Variants in BCAS3 observed in about 807,000 individuals in gnomAD.
BCAS3 encodes the protein BCAS3 microtubule associated cell migration factor.
In BCAS3, 53 loss-of-function variants were observed where a neutral mutation model predicts 116.1. The observed-to-expected ratio is 0.46, with a 90% CI of 0.37 to 0.57. The LOEUF is 0.57. BCAS3 is among the 20% of genes least tolerant of loss of function. BCAS3 has a pLI of 0.00. For synonymous variants in BCAS3, 391 were observed against 408.2 expected (o/e 0.96, Z 0.51); for missense variants, 917 against 1,165.4 (o/e 0.79, Z 3.10).
At chr17:61,329,142 C>G (rs1013886735) in intron 22 of BCAS3, among the ~76,000 whole-genome samples, 3 of 151,326 alleles carry the variant, frequency 2.0e-5, no homozygotes, top group African/African-American at 7.3e-5. Flanking sequence ...GTGATCAGCC[C>G]GCCTCGGCCT....
rs1216457957 is a variant in BCAS3 at position 61,392,107 on chromosome 17, C to T, written c.2724C>T (p.Phe908=). The change falls in exon 24 of 24, where the codon TTC becomes TTT. Residue 908 remains phenylalanine, a synonymous_variant. Transcript: ENST00000407086. This position sits in a 1 kb window ranked among gnomAD's most constrained non-coding sequence, Gnocchi z 6.4. ...PTNESQPLSL[F]PTGFP The stretch of plus-strand genomic sequence containing the variant: ...ATGAGAGCCAGCCCCTCAGCCTCTT[C>T]CCGACTGGCTTCCCGTAGGTACCAG... The T allele has an allele frequency of 6.2e-7, 1 of 1,613,566 alleles. No homozygotes were observed. The highest frequency in any genetic ancestry group is 8.5e-7 in the Non-Finnish European group (1 of 1,179,904).
At chr17:61,071,539 A>C (rs1345622805) in intron 19 of BCAS3, among the ~76,000 whole-genome samples, 3 of 152,182 alleles carry the variant, frequency 2.0e-5, no homozygotes, top group Non-Finnish European at 4.4e-5. Context: ...TATTTCTAAC[A>C]AGCTCTGCGA....
chr17:60,731,055 C>G lies in BCAS3; in HGVS notation c.322-16143C>G, dbSNP rs185564449. The stretch of plus-strand genomic sequence containing the variant: ...TCTCCTTTACGTTTTTACAATTTCT[C>G]CCTAATTAAAAGTAAATTGTTATTA... On this transcript the variant is annotated intron_variant, in intron 5 of 23. Coordinates refer to ENST00000407086, the MANE Select transcript of BCAS3 (RefSeq NM_017679.5). 2.2e-3 allele frequency among the ~76,000 whole-genome samples: 327 copies of G among 151,684 alleles called. 5 individuals carry two copies. The highest frequency in any genetic ancestry group is 1.8e-4 in the Non-Finnish European group (12 of 68,006).
At chr17:60,955,686 A>G (rs2061096275) in intron 14 of BCAS3, among the ~76,000 whole-genome samples, 2 of 152,012 alleles carry the variant, frequency 1.3e-5, no homozygotes, top group Admixed American at 1.3e-4. Context: ...GCCCGGCTGG[A>G]GACTGAATTT....
At chr17:61,003,568 A>G (rs1315973460) in intron 15 of BCAS3, among the ~76,000 whole-genome samples, 1 of 151,836 alleles carries the variant, frequency 6.6e-6, no homozygotes, top group East Asian at 1.9e-4. Flanking sequence ...GCTGGGGATT[A>G]CAGGTGTGAG....
In BCAS3 at chr17:60,776,633, C is replaced by T. The variant is rs572266308; in HGVS notation, c.403+29354C>T. ...ACTCAGGAGGCTGAGGCCGGAGAATCGCTTGAACCTGGGAGATGGAGATTG... is the reference window on the plus strand; with the variant it reads ...ACTCAGGAGGCTGAGGCCGGAGAATTGCTTGAACCTGGGAGATGGAGATTG... On this transcript the variant is annotated intron_variant, in intron 6 of 23. Coordinates refer to ENST00000407086, the MANE Select transcript of BCAS3 (RefSeq NM_017679.5). Among the ~76,000 whole-genome samples the T allele has an allele frequency of 6.0e-5, 9 of 150,452 alleles. No homozygotes were observed. The South Asian group carries it at 1.0e-3, about 18-fold the overall frequency.
chr17:61,340,908 G>A (rs1231135966), intron 22 of BCAS3, among the ~76,000 whole-genome samples: 5 of 152,236 alleles, frequency 3.3e-5, no homozygotes, highest in Non-Finnish European at 7.3e-5. Context: ...GGATATATGA[G>A]ATTAGGATTG....
At chr17:60,736,731 G>A (rs2041006896) in intron 5 of BCAS3, among the ~76,000 whole-genome samples, 1 of 152,086 alleles carries the variant, frequency 6.6e-6, no homozygotes, top group African/African-American at 2.4e-5. Context: ...TCTATTTATT[G>A]TTGTGTGAGT....
intron 7 of BCAS3, among the ~76,000 whole-genome samples, chr17:60,862,274 CTG>C (rs2054221349): frequency 6.6e-6 from 1 of 152,116 alleles, no homozygotes; most frequent in African/African-American, 2.4e-5. Flanking sequence ...CAGGGAGACT[CTG>C]TCTCAAAACA....
intron 22 of BCAS3, among the ~76,000 whole-genome samples, chr17:61,254,082 A>C (rs920859396): frequency 6.6e-6 from 1 of 152,200 alleles, no homozygotes; most frequent in African/African-American, 2.4e-5. Context: ...CTGGTTCCTC[A>C]GTCAGCATGG....
chr17:60,784,456 G>T (rs868825599), intron 6 of BCAS3, among the ~76,000 whole-genome samples: 4 of 139,818 alleles, frequency 2.9e-5, no homozygotes, highest in Non-Finnish European at 5.9e-5. Context: ...CCGCCACCAT[G>T]CCCGGATAAT....
At chr17:61,321,919 G>A (rs777775641) in intron 22 of BCAS3, among the ~76,000 whole-genome samples, 7 of 150,882 alleles carry the variant, frequency 4.6e-5, no homozygotes, top group Middle Eastern at 3.4e-3. Flanking sequence ...CACCTATCCC[G>A]TTTTTTGTTT....
rs193210886 is a variant in BCAS3, at chr17:61,152,811, C to T, written c.2425+68247C>T. On this transcript the variant is annotated intron_variant, in intron 22 of 23. Transcript: ENST00000407086. The stretch of plus-strand genomic sequence containing the variant: ...GGTGAGTATACTTCTCTCCACAAAT[C>T]AGTGAAAGATGTGCTTACCCCAACT... Among the ~76,000 whole-genome samples the T allele has an allele frequency of 4.5e-4, 68 of 152,216 alleles. 1 individual carries two copies. The highest frequency in any genetic ancestry group is 4.1e-3 in the Admixed American group (62 of 15,302).
At chr17:60,904,856 G>T (rs1463518186) in intron 11 of BCAS3, among the ~76,000 whole-genome samples, 6 of 152,106 alleles carry the variant, frequency 3.9e-5, no homozygotes, top group Non-Finnish European at 8.8e-5. Flanking sequence ...AACTCACAAA[G>T]ATGTCTCCAG....
At chr17:61,273,923 T>TC (rs11392921) in intron 22 of BCAS3, among the ~76,000 whole-genome samples, 18,814 of 150,408 alleles carry the variant, frequency 0.13, 1,499 homozygotes, top group African/African-American at 0.23. Context: ...CTTTTTTTTT[T>TC]CCCCCACTGG....
At chr17:61,252,601 A>C (rs1315961428) in intron 22 of BCAS3, among the ~76,000 whole-genome samples, 1 of 149,762 alleles carries the variant, frequency 6.7e-6, no homozygotes, top group African/African-American at 2.4e-5. Context: ...AAAGCCTGGG[A>C]ATTAAACAGT....
rs144179816 is a variant in BCAS3 at position 61,243,827 on chromosome 17, C to T, written c.2426-124500C>T. On this transcript the variant is annotated intron_variant, in intron 22 of 23. Coordinates refer to ENST00000407086, the MANE Select transcript of BCAS3 (RefSeq NM_017679.5). The surrounding 1 kb of genome is among the most constrained non-coding windows in gnomAD (Gnocchi z 5.6). ...AAAGAGTTGGAATCTGCTCTGTCAA[C>T]CAGGCTGGAGTGCGCTGGTATGACC... is the stretch of plus-strand genomic sequence containing the variant. Among the ~76,000 whole-genome samples, 14 of 152,310 alleles carry T rather than the reference C, an allele frequency of 9.2e-5. No individual in the cohort carries two copies. Among genetic ancestry groups the T allele is most frequent in the Non-Finnish European group, 1.8e-4 (12 of 68,024 alleles).
At position 61,244,356 on chromosome 17, in the gene BCAS3, C is replaced by T. The variant is rs1568654365; in HGVS notation, c.2426-123971C>T. The stretch of plus-strand genomic sequence containing the variant: ...ATTTACCATTAGGTAATGAGTCTTA[C>T]CTGTCCAGTAATGAATGTGTTTTCC... On this transcript the variant is annotated intron_variant, in intron 22 of 23. Transcript: ENST00000407086. The surrounding 1 kb of genome is among the most constrained non-coding windows in gnomAD (Gnocchi z 4.9). Among the ~76,000 whole-genome samples the T allele has an allele frequency of 6.6e-6, 1 of 152,004 alleles. No homozygotes were observed. The highest frequency in any genetic ancestry group is 1.5e-5 in the Non-Finnish European group (1 of 68,006).
chr17:61,071,698 G>A (rs2071444324), intron 19 of BCAS3, among the ~76,000 whole-genome samples: 1 of 151,972 alleles, frequency 6.6e-6, no homozygotes, highest in African/African-American at 2.4e-5. Flanking sequence ...AATATAATAG[G>A]AAGACCAACA....
Sources: gnomAD v4.1 joint callset for allele counts (sites outside exome capture counted in the v4.1 genomes callset) on GRCh38, gnomAD v4.1.1 for gene constraint, Gnocchi (gnomAD v3.1) non-coding constraint, MANE v1.5 for transcripts, NCBI Gene and HGNC (gene_info 2026-07-23, HGNC 2026-07-21) for gene names.